Variants in SPATA16 observed in about 807,000 individuals in gnomAD.
SPATA16 encodes spermatogenesis-associated protein 16.
A neutral mutation model predicts 63.3 loss-of-function variants in SPATA16; 36 were observed. That is an observed-to-expected ratio of 0.57 (90% CI 0.44 to 0.75). The LOEUF (loss-of-function observed/expected upper bound fraction) is 0.75. Ranked by LOEUF, SPATA16 falls within the 30% of genes least tolerant of loss-of-function variation. The pLI is 0.00. For missense variants in SPATA16, 646 were observed against 679.3 expected (o/e 0.95, Z 0.54); for synonymous variants, 203 against 216.7 (o/e 0.94, Z 0.56).
intron 4 of SPATA16, among the ~76,000 whole-genome samples, chr3:173,014,741 T>C (rs540283554): frequency 6.6e-6 from 1 of 152,208 alleles, no homozygotes; most frequent in Non-Finnish European, 1.5e-5. Context: ...CCACTCTCTT[T>C]GGAAGGGCCA....
At chr3:172,912,695 G>A (rs947922143) in intron 10 of SPATA16, among the ~76,000 whole-genome samples, 1 of 152,024 alleles carries the variant, frequency 6.6e-6, no homozygotes, top group Non-Finnish European at 1.5e-5. Flanking sequence ...TTACATTATT[G>A]TAAGAATACA....
chr3:173,013,067 C>A (rs1302508086), intron 4 of SPATA16, among the ~76,000 whole-genome samples: 1 of 152,034 alleles, frequency 6.6e-6, no homozygotes, highest in Non-Finnish European at 1.5e-5. Context: ...AAGCAAAAAA[C>A]AAGCAAACCA....
chr3:173,043,504 G>T, intron 3 of SPATA16, among the ~76,000 whole-genome samples: 1 of 151,664 alleles, frequency 6.6e-6, no homozygotes, highest in Middle Eastern at 3.4e-3. Flanking sequence ...TTTTAATTTA[G>T]TTAATATAAT....
chr3:173,056,519 A>G (rs1244434429), intron 2 of SPATA16, among the ~76,000 whole-genome samples: 4 of 152,072 alleles, frequency 2.6e-5, no homozygotes, highest in African/African-American at 7.2e-5. Context: ...CTTGGCCAAC[A>G]TAGTAAAACC....
chr3:172,945,173 A>C (rs1173463435), intron 6 of SPATA16, among the ~76,000 whole-genome samples: 2 of 152,220 alleles, frequency 1.3e-5, no homozygotes, highest in Non-Finnish European at 2.9e-5. Context: ...TGTGTCTTTT[A>C]GCATATTTCA....
In SPATA16 at chr3:173,045,383, C is replaced by G. The variant is rs1047916164; in HGVS notation, c.758+3566G>C. 2.6e-5 allele frequency among the ~76,000 whole-genome samples: 4 copies of G among 152,212 alleles called. 1 individual carries two copies. The highest frequency in any genetic ancestry group is 2.6e-4 in the Admixed American group (4 of 15,260). On this transcript the variant is annotated intron_variant, in intron 3 of 10. Transcript: ENST00000351008. The stretch of plus-strand genomic sequence containing the variant: ...TCAGGGATCACAGTCCTGCTCTGAC[C>G]ATTGTCCAAGGCCTGAAAGCCGTTG...
At chr3:173,124,380 G>A (rs565479219) in intron 1 of SPATA16, among the ~76,000 whole-genome samples, 1 of 152,314 alleles carries the variant, frequency 6.6e-6, no homozygotes, top group South Asian at 2.1e-4. Flanking sequence ...TTATGTAAGA[G>A]AAGCTGAACT....
chr3:173,087,775 C>G (rs1252625535), intron 2 of SPATA16, among the ~76,000 whole-genome samples: 2 of 151,998 alleles, frequency 1.3e-5, no homozygotes, highest in Admixed American at 1.3e-4. Context: ...TTCTCCTTCC[C>G]TTATGAAGCT....
rs569044650 is a variant in SPATA16, at chr3:172,944,372, G to A, written c.1081+12305C>T. On this transcript the variant is annotated intron_variant, in intron 6 of 10. Transcript: ENST00000351008. ...ACCAGAAAATAGCAAGTGTTGATGAGGACATGGGGAAATTGGAACACTCGT... is the reference window on the plus strand; with the variant it reads ...ACCAGAAAATAGCAAGTGTTGATGAAGACATGGGGAAATTGGAACACTCGT... 2.6e-4 allele frequency among the ~76,000 whole-genome samples: 39 copies of A among 152,314 alleles called. No homozygotes were observed. The Middle Eastern group carries it at 0.01, about 40-fold the overall frequency.
intron 4 of SPATA16, among the ~76,000 whole-genome samples, chr3:173,015,382 A>G (rs1735158970): frequency 6.6e-6 from 1 of 152,156 alleles, no homozygotes; most frequent in African/African-American, 2.4e-5. Context: ...TTTATCAATG[A>G]TGCATTAAAG....
At chr3:173,060,071 A>T (rs1577153683) in intron 2 of SPATA16, among the ~76,000 whole-genome samples, 2 of 151,974 alleles carry the variant, frequency 1.3e-5, no homozygotes, top group East Asian at 3.9e-4. Flanking sequence ...AGCCTGGCCA[A>T]CATGGTGAAA....
At chr3:173,136,620 A>T (rs1432974114) in intron 1 of SPATA16, among the ~76,000 whole-genome samples, 2 of 152,190 alleles carry the variant, frequency 1.3e-5, no homozygotes, top group Non-Finnish European at 2.9e-5. Context: ...CTAGTTTTTC[A>T]TACTCATTAC....
intron 9 of SPATA16, 86 bp downstream of exon 9, chr3:172,916,231 A>ATTTTTGTT: frequency 9.1e-7 from 1 of 1,101,274 alleles, no homozygotes; most frequent in Admixed American, 2.2e-5. Flanking sequence ...TTACCACAGG[A>ATTTTTGTT]TTTTTTTTTT....
intron 2 of SPATA16, among the ~76,000 whole-genome samples, chr3:173,097,653 G>A (rs573948788): frequency 1.3e-5 from 2 of 152,276 alleles, no homozygotes; most frequent in East Asian, 3.9e-4. Flanking sequence ...GGGATTTCCT[G>A]AAATGAATGA....
chr3:173,038,279 A>C (rs1735760371), intron 3 of SPATA16, among the ~76,000 whole-genome samples: 1 of 152,032 alleles, frequency 6.6e-6, no homozygotes, highest in African/African-American at 2.4e-5. Context: ...TCTCCAAGCC[A>C]AGTGTCCCAG....
chr3:173,087,999 T>A (rs1051087303), intron 2 of SPATA16, among the ~76,000 whole-genome samples: 3 of 146,512 alleles, frequency 2.0e-5, no homozygotes, highest in Non-Finnish European at 3.0e-5. Context: ...TGATTAGCAT[T>A]TTCTTTCCGT....
At chr3:173,135,901 C>T (rs1269943492) in intron 1 of SPATA16, among the ~76,000 whole-genome samples, 2 of 152,112 alleles carry the variant, frequency 1.3e-5, no homozygotes, top group Non-Finnish European at 2.9e-5. Context: ...TTCATTTGTG[C>T]CTTTTACCAA....
chr3:172,908,782 G>C (rs1425499828), intron 10 of SPATA16, among the ~76,000 whole-genome samples: 1 of 151,652 alleles, frequency 6.6e-6, no homozygotes, highest in African/African-American at 2.4e-5. Flanking sequence ...CAGAGGTGGT[G>C]ATGCTGATAT....
intron 3 of SPATA16, among the ~76,000 whole-genome samples, chr3:173,028,905 G>T (rs909477489): frequency 6.6e-6 from 1 of 151,976 alleles, no homozygotes; most frequent in African/African-American, 2.4e-5. Flanking sequence ...AGTGTGTGAA[G>T]AATATGGAAT....
Sources: allele counts gnomAD v4.1 joint callset (sites outside exome capture counted in the v4.1 genomes callset), GRCh38; gene constraint gnomAD v4.1.1; transcripts MANE v1.5; gene names NCBI Gene and HGNC (gene_info 2026-07-23, HGNC 2026-07-21).